The following CSMD1 variants were observed in gnomAD, a reference collection of about 807,000 sequenced individuals.
The protein encoded by CSMD1 is CUB and sushi domain-containing protein 1.
In CSMD1, 213 loss-of-function variants were observed where a neutral mutation model predicts 417.5. The ratio of observed to expected loss-of-function variants is 0.51; its 90% CI spans 0.46 to 0.57. The LOEUF is 0.57. Ranked by LOEUF, CSMD1 falls within the 20% of genes least tolerant of loss-of-function variation. The probability of loss-of-function intolerance (pLI) is 0.00; values close to 1 mark genes in which losing one functional copy is unlikely to be tolerated. For missense variants in CSMD1, 6,923 were observed against 4,529.7 expected (o/e 1.53, Z -15.17); for synonymous variants, 2,862 against 1,736.8 (o/e 1.65, Z -16.11).
chr8:3,729,781 G>C (rs1018682371), intron 6 of CSMD1, among the ~76,000 whole-genome samples: 3 of 151,962 alleles, frequency 2.0e-5, no homozygotes, highest in Non-Finnish European at 4.4e-5. Flanking sequence ...TCAGGTGATA[G>C]ATATCCTGAT....
chr8:3,349,611 T>A (rs1425480081), intron 21 of CSMD1, among the ~76,000 whole-genome samples: 1 of 151,738 alleles, frequency 6.6e-6, no homozygotes, highest in Admixed American at 6.6e-5. Context: ...ATAATCATTT[T>A]AAGAAATTAC....
intron 23 of CSMD1, among the ~76,000 whole-genome samples, chr8:3,342,545 C>G (rs903938774): frequency 6.6e-6 from 1 of 152,194 alleles, no homozygotes; most frequent in Non-Finnish European, 1.5e-5. Context: ...TACTTCAGAA[C>G]TAAAAATGCT....
chr8:4,787,668 A>T, intron 1 of CSMD1: 1 of 1,587,998 alleles, frequency 6.3e-7, no homozygotes, highest in Non-Finnish European at 8.6e-7. Flanking sequence ...AAGGAAGGAT[A>T]TAAGTTTACC....
At chr8:3,471,130 G>C (rs1049957748) in intron 11 of CSMD1, among the ~76,000 whole-genome samples, 1 of 152,190 alleles carries the variant, frequency 6.6e-6, no homozygotes, top group African/African-American at 2.4e-5. Flanking sequence ...CCCACCAGCA[G>C]TGTGTGAGCA....
chr8:4,122,277 T>G (rs144670101), intron 3 of CSMD1, among the ~76,000 whole-genome samples: 1 of 152,100 alleles, frequency 6.6e-6, no homozygotes, highest in African/African-American at 2.4e-5. Flanking sequence ...GACCTGGTTA[T>G]TTATAGATTT....
At chr8:3,935,305 G>A (rs1055390989) in intron 5 of CSMD1, among the ~76,000 whole-genome samples, 5 of 152,148 alleles carry the variant, frequency 3.3e-5, no homozygotes, top group African/African-American at 1.2e-4. Flanking sequence ...CTCCATATCA[G>A]CATGAAACAC....
intron 20 of CSMD1, among the ~76,000 whole-genome samples, chr8:3,362,997 A>T (rs1018552770): frequency 1.3e-5 from 2 of 152,224 alleles, no homozygotes; most frequent in Non-Finnish European, 2.9e-5. Context: ...ATCCTGAGTT[A>T]ACATCCAAGT....
chr8:3,329,820 G>T (rs545151692), intron 23 of CSMD1, among the ~76,000 whole-genome samples: 1 of 152,288 alleles, frequency 6.6e-6, no homozygotes, highest in African/African-American at 2.4e-5. Context: ...TCTGCTAGGG[G>T]CTAACTTACT....
intron 12 of CSMD1, among the ~76,000 whole-genome samples, chr8:3,437,570 G>A (rs2117045444): frequency 6.6e-6 from 1 of 152,228 alleles, no homozygotes; most frequent in East Asian, 1.9e-4. Flanking sequence ...CTGGACTGCA[G>A]GAGCCCATCC....
In CSMD1 at chr8:4,511,683, G is replaced by A. The variant is rs142725217; in HGVS notation, c.303-91618C>T. Among the ~76,000 whole-genome samples, 1,356 of 152,252 alleles carry A rather than the reference G, an allele frequency of 8.9e-3. 16 individuals carry two copies. The highest frequency in any genetic ancestry group is 0.014 in the Non-Finnish European group (944 of 68,006). On this transcript the variant is annotated intron_variant, in intron 2 of 69. Transcript: ENST00000635120. ...GCACAAAGCTCCAGAGTGGGAGTAG[G>A]GAAGGCAGAGCCGTAACTGATGAAC...
chr8:3,881,811 G>C (rs1051524461), intron 5 of CSMD1, among the ~76,000 whole-genome samples: 2 of 152,072 alleles, frequency 1.3e-5, no homozygotes, highest in Non-Finnish European at 2.9e-5. Flanking sequence ...GCAAAGGGAA[G>C]AACAGAAGTG....
At chr8:4,969,811 T>C (rs1292904766) in intron 1 of CSMD1, among the ~76,000 whole-genome samples, 2 of 152,078 alleles carry the variant, frequency 1.3e-5, no homozygotes, top group Non-Finnish European at 2.9e-5. Context: ...CTAATTTAAT[T>C]GTTTTTCTCA....
chr8:3,544,532 A>G (rs917887471), intron 10 of CSMD1, among the ~76,000 whole-genome samples: 1 of 151,864 alleles, frequency 6.6e-6, no homozygotes, highest in African/African-American at 2.4e-5. Context: ...TGCACTGTGG[A>G]CTCGCCCTGA....
intron 3 of CSMD1, among the ~76,000 whole-genome samples, chr8:4,189,954 T>A (rs538668246): frequency 6.6e-6 from 1 of 151,556 alleles, no homozygotes; most frequent in South Asian, 2.1e-4. Context: ...GAGAGCATAG[T>A]GTAGTGCTTA....
At chr8:3,604,770 T>C (rs1436271753) in intron 8 of CSMD1, among the ~76,000 whole-genome samples, 1 of 152,118 alleles carries the variant, frequency 6.6e-6, no homozygotes. Flanking sequence ...AACCTGAGTG[T>C]GCAGTTTTAT....
intron 7 of CSMD1, among the ~76,000 whole-genome samples, chr8:3,648,392 G>A (rs958261377): frequency 3.3e-5 from 5 of 152,162 alleles, no homozygotes; most frequent in Non-Finnish European, 5.9e-5. Context: ...TTGTGAGACT[G>A]ACATGCTGCC....
chr8:3,996,646 C>T (rs1350381123), intron 5 of CSMD1, among the ~76,000 whole-genome samples: 1 of 152,058 alleles, frequency 6.6e-6, no homozygotes, highest in Non-Finnish European at 1.5e-5. Context: ...AGTCATACAA[C>T]CTACATTAAG....
chr8:3,388,926 C>T (rs1811178415), intron 17 of CSMD1, among the ~76,000 whole-genome samples: 1 of 99,024 alleles, frequency 1.0e-5, no homozygotes, highest in African/African-American at 3.9e-5. Flanking sequence ...CACACACACA[C>T]ACACACACAC....
At chr8:3,067,065 G>A in intron 49 of CSMD1, among the ~76,000 whole-genome samples, 1 of 148,336 alleles carries the variant, frequency 6.7e-6, no homozygotes, top group African/African-American at 2.4e-5. Flanking sequence ...GCCTGTGCCA[G>A]GTGCTAAGCC....
Sources: gnomAD v4.1 joint callset for allele counts (sites outside exome capture counted in the v4.1 genomes callset) on GRCh38, gnomAD v4.1.1 for gene constraint, MANE v1.5 for transcripts, NCBI Gene and HGNC (gene_info 2026-07-23, HGNC 2026-07-21) for gene names.